The following EPC1 variants were observed in gnomAD, a reference collection of about 807,000 sequenced individuals.
The protein encoded by EPC1 is enhancer of polycomb 1.
EPC1 carries 12 observed loss-of-function variants against 98.4 expected under a neutral mutation model. The ratio of observed to expected loss-of-function variants is 0.12; its 90% CI spans 0.08 to 0.20. The LOEUF (loss-of-function observed/expected upper bound fraction) is 0.20, where lower values mean the gene tolerates loss of function less well. Ranked by LOEUF, EPC1 falls within the 10% of genes least tolerant of loss-of-function variation. EPC1 has a pLI of 1.00. For missense variants in EPC1, 729 were observed against 990.5 expected, an observed-to-expected ratio of 0.74 and a Z score of 3.54; for synonymous variants, 357 against 363.9, an observed-to-expected ratio of 0.98 and a Z score of 0.21.
At chr10:32,275,491 G>T (rs1161670291) in intron 10 of EPC1, among the ~76,000 whole-genome samples, 1 of 152,116 alleles carries the variant, frequency 6.6e-6, no homozygotes, top group African/African-American at 2.4e-5. Context: ...AGTTGGCTGG[G>T]CGCGGTGGCT....
At chr10:32,376,716 T>G (rs1166165186) in intron 1 of EPC1, among the ~76,000 whole-genome samples, 3 of 152,136 alleles carry the variant, frequency 2.0e-5, no homozygotes, top group African/African-American at 4.8e-5. Flanking sequence ...GTTAAATGAT[T>G]AAAAAGTGAA....
intron 3 of EPC1, among the ~76,000 whole-genome samples, 194 bp downstream of exon 3, chr10:32,293,398 A>G (rs577087126): frequency 2.0e-3 from 298 of 152,110 alleles, no homozygotes; most frequent in Middle Eastern, 3.4e-3. Context: ...AGGGCAACCA[A>G]GGCACAGAAA....
intron 1 of EPC1, among the ~76,000 whole-genome samples, chr10:32,325,810 C>T (rs1310082264): frequency 6.6e-6 from 1 of 151,246 alleles, no homozygotes; most frequent in Admixed American, 6.6e-5. Context: ...TCTATAAAGG[C>T]AAATTAACTT....
chr10:32,336,552 A>G (rs1384677856), intron 1 of EPC1, among the ~76,000 whole-genome samples: 1 of 152,042 alleles, frequency 6.6e-6, no homozygotes, highest in Admixed American at 6.6e-5. Context: ...CAAGTCTATC[A>G]ATCCTTTTAC....
chr10:32,352,041 GA>G (rs1181137983), upstream of EPC1, among the ~76,000 whole-genome samples: 25 of 105,942 alleles, frequency 2.4e-4, no homozygotes, highest in African/African-American at 7.8e-4. Flanking sequence ...CAGCCATATT[GA>G]TTTTTTTTTT....
intron 2 of EPC1, among the ~76,000 whole-genome samples, chr10:32,298,525 C>T (rs1429085251): frequency 6.6e-6 from 1 of 152,098 alleles, no homozygotes; most frequent in Non-Finnish European, 1.5e-5. Flanking sequence ...TTGCAAAGCT[C>T]TTGATATCAA....
intron 1 of EPC1, among the ~76,000 whole-genome samples, chr10:32,326,319 A>C (rs1368242742): frequency 6.6e-6 from 1 of 152,144 alleles, no homozygotes; most frequent in Non-Finnish European, 1.5e-5. Context: ...ATGACTTCTG[A>C]ACCATGGCAT....
intron 1 of EPC1, among the ~76,000 whole-genome samples, chr10:32,372,188 A>G (rs1839769100): frequency 6.6e-6 from 1 of 152,140 alleles, no homozygotes; most frequent in Non-Finnish European, 1.5e-5. Context: ...CTCATGCCCC[A>G]CCACAGGCCA....
rs1250195411 is a variant in EPC1 at position 32,276,873 on chromosome 10, T to A, written c.1745-3592A>T. On this transcript the variant is annotated intron_variant, in intron 10 of 13. Coordinates refer to ENST00000319778, the MANE Select transcript of EPC1 (RefSeq NM_001272004.3). ...CTCCTGATATGGTATGAGAATCAAG[T>A]TTGTAATTCCCACAAAGGTGGACAA... 3.3e-5 allele frequency among the ~76,000 whole-genome samples: 5 copies of A among 152,336 alleles called. No homozygotes were observed. The East Asian group carries it at 7.7e-4, about 24-fold the overall frequency.
intron 1 of EPC1, among the ~76,000 whole-genome samples, chr10:32,337,125 A>C (rs1312527966): frequency 6.6e-6 from 1 of 152,158 alleles, no homozygotes; most frequent in African/African-American, 2.4e-5. Flanking sequence ...GGACACAATC[A>C]AGTTACTTGA....
chr10:32,308,782 G>C (rs1836025013), intron 1 of EPC1, among the ~76,000 whole-genome samples: 1 of 152,106 alleles, frequency 6.6e-6, no homozygotes, highest in Admixed American at 6.6e-5. Context: ...TCACTGCTAG[G>C]TATATACCCG....
chr10:32,332,797 A>G (rs546318949), intron 1 of EPC1, among the ~76,000 whole-genome samples: 1 of 152,230 alleles, frequency 6.6e-6, no homozygotes, highest in African/African-American at 2.4e-5. Context: ...TAGATAAGTA[A>G]TACATGTTGA....
At chr10:32,361,845 A>C (rs953745459) in intron 1 of EPC1, among the ~76,000 whole-genome samples, 1 of 152,202 alleles carries the variant, frequency 6.6e-6, no homozygotes, top group Non-Finnish European at 1.5e-5. Flanking sequence ...AAGTCACAGG[A>C]TGAGATAGGA....
At chr10:32,360,927 C>T in intron 1 of EPC1, among the ~76,000 whole-genome samples, 1 of 150,856 alleles carries the variant, frequency 6.6e-6, no homozygotes, top group African/African-American at 2.4e-5. Flanking sequence ...AATCAGTAAT[C>T]AATGTGGTCT....
chr10:32,272,868 G>GA (rs1835906580), intron 11 of EPC1: 1 of 625,130 alleles, frequency 1.6e-6, no homozygotes, highest in Non-Finnish European at 2.8e-6. Flanking sequence ...ATGCCCAAGA[G>GA]AATGAACTGG....
In EPC1 at chr10:32,271,818, ATAT is replaced by A; in HGVS notation, c.2102_2104del (p.Asn701del). 2 of 1,614,164 alleles carry A rather than the reference ATAT, an allele frequency of 1.2e-6. No individual in the cohort carries two copies. Among genetic ancestry groups the A allele is most frequent in the South Asian group, 2.2e-5 (2 of 91,088 alleles). On this transcript the variant is annotated inframe_deletion, in exon 13 of 14. Transcript: ENST00000319778. The stretch of plus-strand genomic sequence containing the variant: ...ACTGTGGGAACTTGAAGTCTGTGTA[ATAT>A]TTGAAGGCTGTAACAAAGCTGAACC...
At chr10:32,306,268 T>C (rs1004208590) in intron 1 of EPC1, among the ~76,000 whole-genome samples, 2 of 152,236 alleles carry the variant, frequency 1.3e-5, no homozygotes, top group Admixed American at 6.5e-5. Flanking sequence ...GAACTTGTTA[T>C]ATAAAGAAAG....
At chr10:32,316,645 G>A (rs1836566997) in intron 1 of EPC1, among the ~76,000 whole-genome samples, 1 of 152,202 alleles carries the variant, frequency 6.6e-6, no homozygotes. Context: ...AGTTCCCTCT[G>A]GGAAGTGGAG....
At position 32,352,971 on chromosome 10, in the gene EPC1, C is replaced by A. The variant is rs902427680; in HGVS notation, c.3+25520G>T. Among the ~76,000 whole-genome samples the A allele has an allele frequency of 3.3e-5, 5 of 152,180 alleles. No individual in the cohort carries two copies. In the East Asian group the frequency reaches 7.7e-4, roughly 24 times the overall value. ...GGGAGTACAAGACTAGCCTGACCAACACGGAGAAACCCTGTCTCTACTAAA... is the reference window on the plus strand; with the variant it reads ...GGGAGTACAAGACTAGCCTGACCAAAACGGAGAAACCCTGTCTCTACTAAA... On this transcript the variant is annotated intron_variant, in intron 1 of 13. Coordinates refer to the EPC1 transcript ENST00000375110.
Sources: gnomAD v4.1 joint callset for allele counts (sites outside exome capture counted in the v4.1 genomes callset) on GRCh38, gnomAD v4.1.1 for gene constraint, MANE v1.5 for transcripts, NCBI Gene and HGNC (gene_info 2026-07-23, HGNC 2026-07-21) for gene names.